EBF4: variants seen among roughly 807,000 people sequenced by gnomAD.
EBF4 encodes the protein EBF transcription factor 4.
EBF4 carries 34 observed loss-of-function variants against 67.1 expected under a neutral mutation model. That is an observed-to-expected ratio of 0.51 (90% CI 0.39 to 0.67). EBF4 has a LOEUF of 0.67. EBF4 is among the 30% of genes least tolerant of loss of function. The pLI is 0.00. For missense variants in EBF4, 837 were observed against 873.3 expected (o/e 0.96, Z 0.52); for synonymous variants, 387 against 377.7 (o/e 1.02, Z -0.29).
intron 6 of EBF4, among the ~76,000 whole-genome samples, chr20:2,719,873 C>T (rs771608870): frequency 1.3e-5 from 2 of 152,110 alleles, no homozygotes; most frequent in East Asian, 1.9e-4. Context: ...GTTGTTATTG[C>T]GTGAAATGTT....
At chr20:2,753,008 A>G (rs2088181626) in intron 14 of EBF4, among the ~76,000 whole-genome samples, 1 of 152,198 alleles carries the variant, frequency 6.6e-6, no homozygotes, top group Non-Finnish European at 1.5e-5. Context: ...AGGACTCCAG[A>G]GGCCAGGTGG....
At chr20:2,701,211 G>A (rs1600199464) in intron 1 of EBF4, among the ~76,000 whole-genome samples, 2 of 152,352 alleles carry the variant, frequency 1.3e-5, no homozygotes, top group East Asian at 3.9e-4. Context: ...CCGTGCTGGG[G>A]AAGTGCAGGA....
chr20:2,715,205 C>T (rs1235679624), intron 6 of EBF4, among the ~76,000 whole-genome samples: 1 of 151,998 alleles, frequency 6.6e-6, no homozygotes, highest in East Asian at 1.9e-4. Flanking sequence ...TCACAGATTG[C>T]ATAATCCTAA....
At chr20:2,699,616 G>A (rs1453165498) in intron 1 of EBF4, among the ~76,000 whole-genome samples, 1 of 152,228 alleles carries the variant, frequency 6.6e-6, no homozygotes, top group African/African-American at 2.4e-5. Context: ...TTAAGAAAGC[G>A]AGGAAATGTA....
intron 6 of EBF4, among the ~76,000 whole-genome samples, chr20:2,723,994 A>T (rs559635852): frequency 2.6e-4 from 39 of 152,260 alleles, no homozygotes; most frequent in African/African-American, 8.9e-4. Context: ...CCTTTGAGTT[A>T]TTGCCCTTGA....
intron 6 of EBF4, among the ~76,000 whole-genome samples, chr20:2,710,741 G>A (rs1182057575): frequency 6.6e-6 from 1 of 152,152 alleles, no homozygotes; most frequent in East Asian, 1.9e-4. Flanking sequence ...CACCAAATAA[G>A]CTACCACTAT....
intron 6 of EBF4, among the ~76,000 whole-genome samples, chr20:2,715,874 G>A (rs917704638): frequency 1.3e-5 from 2 of 152,002 alleles, no homozygotes; most frequent in Admixed American, 6.6e-5. Context: ...TCAGCCTTCC[G>A]AGTAGCTGGG....
chr20:2,715,934 A>G (rs1246967210), intron 6 of EBF4, among the ~76,000 whole-genome samples: 1 of 152,026 alleles, frequency 6.6e-6, no homozygotes, highest in South Asian at 2.1e-4. Context: ...TTTTTAGCAG[A>G]GATGGGATTT....
chr20:2,701,341 G>C (rs2146372066), intron 1 of EBF4, among the ~76,000 whole-genome samples: 1 of 152,344 alleles, frequency 6.6e-6, no homozygotes, highest in East Asian at 1.9e-4. Context: ...CACTGGCCCA[G>C]AGACCCCAGG....
At chr20:2,704,690 T>A (rs1256196200) in intron 1 of EBF4, among the ~76,000 whole-genome samples, 1 of 152,258 alleles carries the variant, frequency 6.6e-6, no homozygotes, top group African/African-American at 2.4e-5. Flanking sequence ...CTTCTCCAGT[T>A]TTTTTGCATG....
chr20:2,695,789 G>A (rs982198676), intron 1 of EBF4, among the ~76,000 whole-genome samples: 3 of 152,112 alleles, frequency 2.0e-5, no homozygotes, highest in Non-Finnish European at 2.9e-5. Flanking sequence ...CCTTCATCAC[G>A]GCCTGGTTTC....
chr20:2,711,114 C>T lies in EBF4; in HGVS notation c.557+1472C>T, dbSNP rs529357955. Among the ~76,000 whole-genome samples the T allele has an allele frequency of 2.6e-4, 39 of 151,058 alleles. No individual in the cohort carries two copies. In the South Asian group the frequency reaches 8.0e-3, roughly 31 times the overall value. On this transcript the variant is annotated intron_variant, in intron 6 of 16. Transcript: ENST00000609451. ...AGCGAGCTGTGATTGTGCCACTGCA[C>T]TCCAGTCTGGGCAACAGAGTGAGAC...
intron 3 of EBF4, 71 bp from the exon 4 acceptor site, chr20:2,706,138 G>A (rs1388688822): frequency 3.2e-6 from 5 of 1,549,844 alleles, no homozygotes; most frequent in Admixed American, 2.0e-5. Context: ...TGGGGAGGGT[G>A]TGATGTGGTC....
At chr20:2,730,734 C>T (rs1408742259) in intron 6 of EBF4, among the ~76,000 whole-genome samples, 3 of 152,204 alleles carry the variant, frequency 2.0e-5, no homozygotes, top group Admixed American at 2.0e-4. Context: ...GCCTGTCCAC[C>T]CTCTGCAAAA....
Position 2,751,872 on chromosome 20 carries a change from CGCCCCCAGGGGCTG to C in EBF4, c.1108-49_1108-36del, listed in dbSNP as rs1335849652. 2.6e-6 allele frequency: 4 copies of C among 1,548,216 alleles called. No homozygotes were observed. The highest frequency in any genetic ancestry group is 8.7e-7 in the Non-Finnish European group (1 of 1,146,048). On this transcript the variant is annotated intron_variant, in intron 11 of 16. Coordinates refer to ENST00000609451, the Ensembl canonical transcript of EBF4. This position sits in a 1 kb window ranked among gnomAD's most constrained non-coding sequence, Gnocchi z 5.2. Reference sequence around the variant, plus strand: ...GAGGGGCTCCCGAGGGCCCCTTGGTCGCCCCCAGGGGCTGCCCCTCCGTCCCGCTGTCTCTCCCC... The same window carrying C: ...GAGGGGCTCCCGAGGGCCCCTTGGTCCCCCTCCGTCCCGCTGTCTCTCCCC...
At chr20:2,706,355 C>G in intron 4 of EBF4, 91 bp downstream of exon 4, 1 of 1,424,652 alleles carries the variant, frequency 7.0e-7, no homozygotes, top group Non-Finnish European at 9.6e-7. Context: ...TGTTCCTGCC[C>G]TCATCTCCCT....
At chr20:2,711,667 A>G (rs1471382534) in intron 6 of EBF4, among the ~76,000 whole-genome samples, 1 of 152,234 alleles carries the variant, frequency 6.6e-6, no homozygotes, top group Admixed American at 6.5e-5. Flanking sequence ...TGTGCTAAGA[A>G]CTTTTCTACA....
chr20:2,734,344 G>T (rs934645862), intron 6 of EBF4, among the ~76,000 whole-genome samples: 4 of 152,102 alleles, frequency 2.6e-5, no homozygotes, highest in African/African-American at 9.7e-5. Context: ...GGAGGTCAAG[G>T]CTTCAGTGAG....
chr20:2,693,657 G>C lies in EBF4; in HGVS notation c.12G>C (p.Ala4=). ...CACCGCGCGCCCTCATGTTCCCTGCGCAGGACGCTCTGCCCCGCAGCGGGC... is the reference window on the plus strand; with the variant it reads ...CACCGCGCGCCCTCATGTTCCCTGCCCAGGACGCTCTGCCCCGCAGCGGGC... Residue 4 remains alanine (A), a synonymous_variant, in exon 1 of 17, where the codon GCG becomes GCC. Transcript: ENST00000609451. The surrounding 1 kb of genome is among the most constrained non-coding windows in gnomAD (Gnocchi z 4.6). The C allele has an allele frequency of 5.5e-6, 8 of 1,445,702 alleles. No individual in the cohort carries two copies. The highest frequency in any genetic ancestry group is 7.2e-6 in the Non-Finnish European group (8 of 1,106,302). 89.6% of individuals were successfully genotyped at this position (1,445,702 alleles called of 1,614,324 possible).
Sources: allele counts gnomAD v4.1 joint callset (sites outside exome capture counted in the v4.1 genomes callset), GRCh38; gene constraint gnomAD v4.1.1; non-coding constraint Gnocchi (gnomAD v3.1); transcripts MANE v1.5; gene names NCBI Gene and HGNC (gene_info 2026-07-23, HGNC 2026-07-21).